The following AFF1 variants were observed in gnomAD, a reference collection of about 807,000 sequenced individuals.
AFF1 encodes the protein ALF transcription elongation factor 1.
In AFF1, 48 loss-of-function variants were observed where a neutral mutation model predicts 121.7. The ratio of observed to expected loss-of-function variants is 0.39; its 90% CI spans 0.31 to 0.50. AFF1 has a LOEUF of 0.50. Ranked by LOEUF, AFF1 falls within the 20% of genes least tolerant of loss-of-function variation. The probability of loss-of-function intolerance (pLI) is 0.76; values close to 1 mark genes in which losing one functional copy is unlikely to be tolerated. For missense variants in AFF1, 1,523 were observed against 1,511.7 expected (o/e 1.01, Z -0.12); for synonymous variants, 613 against 563.0 (o/e 1.09, Z -1.26).
intron 2 of AFF1, among the ~76,000 whole-genome samples, chr4:86,995,865 A>C (rs1289286080): frequency 6.7e-6 from 1 of 150,196 alleles, no homozygotes; most frequent in Admixed American, 6.6e-5. Flanking sequence ...CTGGGAAGTG[A>C]GGAGCGTCTC....
chr4:87,125,986 C>G, intron 13 of AFF1, 113 bp from the exon 14 acceptor site: 1 of 1,106,070 alleles, frequency 9.0e-7, no homozygotes, highest in Non-Finnish European at 1.3e-6. Flanking sequence ...TACACAGTTT[C>G]ATGCTTTGTG....
At chr4:87,081,151 A>ATT (rs1560606159) in intron 4 of AFF1, among the ~76,000 whole-genome samples, 1 of 101,664 alleles carries the variant, frequency 9.8e-6, no homozygotes, top group Non-Finnish European at 1.9e-5. Flanking sequence ...TAATGAAATG[A>ATT]ATTTTTTTTT....
At chr4:86,979,737 T>C (rs954659755) in intron 2 of AFF1, among the ~76,000 whole-genome samples, 1 of 152,204 alleles carries the variant, frequency 6.6e-6, no homozygotes, top group Non-Finnish European at 1.5e-5. Flanking sequence ...AAAATAAAGT[T>C]TGACAACATG....
intron 4 of AFF1, among the ~76,000 whole-genome samples, chr4:87,061,175 C>T (rs1720750000): frequency 6.6e-6 from 1 of 152,248 alleles, no homozygotes; most frequent in East Asian, 1.9e-4. Flanking sequence ...TTACTTGGTT[C>T]GTGTTTCTAG....
At position 87,114,675 on chromosome 4, in the gene AFF1, A is replaced by T. The variant is rs779981897; in HGVS notation, c.1842A>T (p.Lys614Asn). ...CCGTTGGAACCAAACAACCCAAAAA[A>T]CCTGTCAAGGCCTCTGCCCGGGCAG... is the stretch of plus-strand genomic sequence containing the variant. ...RQTVGTKQPK[K>N]PVKASARAGS... Residue 614 changes from lysine (K) to asparagine (N), a missense_variant, in exon 12 of 21, where the codon AAA becomes AAT. Coordinates refer to ENST00000395146, the MANE Select transcript of AFF1 (RefSeq NM_001166693.3). 6.2e-7 allele frequency: 1 copy of T among 1,613,174 alleles called. No homozygotes were observed. Among genetic ancestry groups the T allele is most frequent in the African/African-American group, 1.3e-5 (1 of 74,694 alleles).
intron 4 of AFF1, among the ~76,000 whole-genome samples, chr4:87,060,963 A>G (rs1419106841): frequency 1.3e-5 from 2 of 151,920 alleles, no homozygotes; most frequent in South Asian, 2.1e-4. Context: ...ATGGTCTTGC[A>G]CTAAAGGATA....
At chr4:86,969,894 A>C (rs1056784986) in intron 2 of AFF1, among the ~76,000 whole-genome samples, 1 of 150,280 alleles carries the variant, frequency 6.7e-6, no homozygotes, top group African/African-American at 2.4e-5. Context: ...AAAAAAAAAA[A>C]AAAGGTAAGA....
At chr4:86,937,225 T>G (rs1029864296) in intron 1 of AFF1, among the ~76,000 whole-genome samples, 3 of 152,222 alleles carry the variant, frequency 2.0e-5, no homozygotes, top group South Asian at 4.1e-4. Flanking sequence ...ACTCTTCAAC[T>G]TTGCAAAACT....
chr4:87,113,594 G>C (rs188885059), intron 11 of AFF1, among the ~76,000 whole-genome samples: 3 of 152,256 alleles, frequency 2.0e-5, no homozygotes, highest in African/African-American at 4.8e-5. Context: ...AAGAGTTCAC[G>C]TGGGATTAAT....
At chr4:86,938,449 CAAAAAAA>C (rs35867614) in intron 1 of AFF1, among the ~76,000 whole-genome samples, 68 of 100,038 alleles carry the variant, frequency 6.8e-4, no homozygotes, top group African/African-American at 2.2e-3. Flanking sequence ...GACTCCGTCT[CAAAAAAA>C]AAAAAAAAAA....
chr4:87,130,352 T>C (rs1560661400), intron 16 of AFF1, among the ~76,000 whole-genome samples: 2 of 152,222 alleles, frequency 1.3e-5, no homozygotes, highest in Non-Finnish European at 2.9e-5. Context: ...CTCAAGGTCT[T>C]CATGGGCAGT....
At chr4:87,101,523 G>A (rs758535344) in intron 8 of AFF1, among the ~76,000 whole-genome samples, 4 of 151,992 alleles carry the variant, frequency 2.6e-5, no homozygotes, top group Non-Finnish European at 4.4e-5. Flanking sequence ...AGTTTGCAGT[G>A]AGCCATAATG....
chr4:87,009,806 C>G (rs954863833), intron 2 of AFF1, among the ~76,000 whole-genome samples: 1 of 152,176 alleles, frequency 6.6e-6, no homozygotes. Flanking sequence ...ACCAAAACAT[C>G]ACCTGTGATG....
chr4:87,048,503 G>GTAAA (rs1205922258), intron 4 of AFF1, among the ~76,000 whole-genome samples: 1 of 152,174 alleles, frequency 6.6e-6, no homozygotes, highest in Non-Finnish European at 1.5e-5. Context: ...ATCTTTTAAT[G>GTAAA]TAAAGTCTAT....
intron 2 of AFF1, among the ~76,000 whole-genome samples, chr4:87,012,019 A>G (rs936201140): frequency 6.6e-6 from 1 of 152,222 alleles, no homozygotes; most frequent in African/African-American, 2.4e-5. Flanking sequence ...TTTCAATTAC[A>G]TTCAGGAATA....
chr4:87,140,667 T>C lies in AFF1; in HGVS notation c.*4966T>C, dbSNP rs1168197958. 2 of 189,374 alleles carry C rather than the reference T, an allele frequency of 1.1e-5. No individual in the cohort carries two copies. The highest frequency in any genetic ancestry group is 4.7e-5 in the African/African-American group (2 of 42,796). 11.7% of individuals were successfully genotyped at this position (189,374 alleles called of 1,614,324 possible). ...GTGCCAGCTATCATCAACACAATGATTTTGTACATAGGGTAGGGAAGCAGT... is the reference window on the plus strand; with the variant it reads ...GTGCCAGCTATCATCAACACAATGACTTTGTACATAGGGTAGGGAAGCAGT... On this transcript the variant is annotated 3_prime_UTR_variant, in exon 21 of 21. Transcript: ENST00000395146.
At chr4:87,067,192 G>A (rs1012692970) in intron 4 of AFF1, among the ~76,000 whole-genome samples, 2 of 152,164 alleles carry the variant, frequency 1.3e-5, no homozygotes, top group African/African-American at 4.8e-5. Context: ...TTGTGCCATG[G>A]TAAGATGGTA....
intron 4 of AFF1, among the ~76,000 whole-genome samples, chr4:87,048,206 A>G (rs1730919257): frequency 6.6e-6 from 1 of 152,200 alleles, no homozygotes; most frequent in Non-Finnish European, 1.5e-5. Context: ...TTTATCACCT[A>G]AAAAAGAAGA....
intron 2 of AFF1, among the ~76,000 whole-genome samples, chr4:87,015,862 ATTATCCATGATC>A (rs1727238748): frequency 6.6e-6 from 1 of 152,190 alleles, no homozygotes; most frequent in Non-Finnish European, 1.5e-5. Context: ...AAGTATTGGT[ATTATCCATGATC>A]TTAGAGTGTT....
Sources: allele counts gnomAD v4.1 joint callset (sites outside exome capture counted in the v4.1 genomes callset), GRCh38; gene constraint gnomAD v4.1.1; transcripts MANE v1.5; gene names NCBI Gene and HGNC (gene_info 2026-07-23, HGNC 2026-07-21).